The following RIC1 variants were observed in gnomAD, a reference collection of about 807,000 sequenced individuals.
RIC1 encodes guanine nucleotide exchange factor subunit RIC1.
Under a neutral mutation model 169.0 loss-of-function variants are expected in RIC1, and 88 were observed. The observed-to-expected ratio is 0.52, with a 90% confidence interval of 0.44 to 0.62. The LOEUF is 0.62. Ranked by LOEUF, RIC1 falls within the 20% of genes least tolerant of loss-of-function variation. The probability of loss-of-function intolerance (pLI) is 0.00; values close to 1 mark genes in which losing one functional copy is unlikely to be tolerated. For synonymous variants in RIC1, 790 were observed against 601.5 expected (o/e 1.31, Z -4.59); for missense variants, 1,877 against 1,725.5 (o/e 1.09, Z -1.56).
chr9:5,717,753 G>A (rs983771388), intron 4 of RIC1, among the ~76,000 whole-genome samples: 1 of 151,716 alleles, frequency 6.6e-6, no homozygotes, highest in Non-Finnish European at 1.5e-5. Flanking sequence ...GCTGAGGCAG[G>A]AGAATCCCGG....
intron 2 of RIC1, among the ~76,000 whole-genome samples, chr9:5,676,203 C>A (rs1248531768): frequency 6.6e-6 from 1 of 152,176 alleles, no homozygotes; most frequent in Non-Finnish European, 1.5e-5. Flanking sequence ...AGATGTGAGC[C>A]ACTGCACCTG....
At chr9:5,766,000 T>G (rs1329808824) in intron 21 of RIC1, among the ~76,000 whole-genome samples, 1 of 152,218 alleles carries the variant, frequency 6.6e-6, no homozygotes, top group African/African-American at 2.4e-5. Context: ...CTGAATAGTT[T>G]CTGCCCCTTT....
chr9:5,751,714 A>C (rs1190700706), intron 12 of RIC1, among the ~76,000 whole-genome samples: 2 of 152,244 alleles, frequency 1.3e-5, no homozygotes, highest in African/African-American at 2.4e-5. Context: ...AGTTGACTTA[A>C]GTCAACTTAA....
chr9:5,682,821 C>G (rs1327683387), intron 2 of RIC1, among the ~76,000 whole-genome samples: 1 of 152,200 alleles, frequency 6.6e-6, no homozygotes, highest in Admixed American at 6.5e-5. Flanking sequence ...TAGATTTTGT[C>G]TTTTCACATA....
At chr9:5,747,628 T>C (rs1054848469) in intron 12 of RIC1, 123 bp downstream of exon 12, 42 of 842,088 alleles carry the variant, frequency 5.0e-5, no homozygotes, top group Non-Finnish European at 6.8e-5. Flanking sequence ...CATTTTGTCA[T>C]GTCCCTCTTC....
At position 5,685,314 on chromosome 9, in the gene RIC1, G is replaced by A. The variant is rs12351994; in HGVS notation, c.253-4645G>A. Among the ~76,000 whole-genome samples, 719 of 151,160 alleles carry A rather than the reference G, an allele frequency of 4.8e-3. 6 individuals are homozygous for A. Among genetic ancestry groups the A allele is most frequent in the African/African-American group, 0.017 (684 of 41,110 alleles). On this transcript the variant is annotated intron_variant, in intron 2 of 25. Transcript: ENST00000414202. ...ATGGAACCAAAAAAGAGCCCGCATC[G>A]CCAAGTCAATCCTAAGCCAAAAGAA...
At chr9:5,689,316 A>C (rs533015437) in intron 2 of RIC1, among the ~76,000 whole-genome samples, 1 of 151,788 alleles carries the variant, frequency 6.6e-6, no homozygotes, top group African/African-American at 2.4e-5. Context: ...CTCCCAAAAT[A>C]CTGGGATTAC....
At chr9:5,704,386 T>C (rs35337508) in intron 3 of RIC1, among the ~76,000 whole-genome samples, 3,101 of 152,070 alleles carry the variant, frequency 0.02, 37 homozygotes, top group Non-Finnish European at 0.025. Context: ...AATTTTTTGA[T>C]TTTTTTGTGA....
intron 2 of RIC1, among the ~76,000 whole-genome samples, chr9:5,680,972 G>A (rs1481675022): frequency 3.3e-5 from 5 of 149,808 alleles, no homozygotes; most frequent in Non-Finnish European, 5.9e-5. Flanking sequence ...GACTACAGGC[G>A]CCCGCTACCA....
intron 1 of RIC1, among the ~76,000 whole-genome samples, chr9:5,631,739 T>C (rs1817725719): frequency 6.6e-6 from 1 of 151,148 alleles, no homozygotes; most frequent in South Asian, 2.1e-4. Context: ...ATAAGGTGTA[T>C]GATTACATGC....
chr9:5,741,167 A>G (rs1220297283), intron 8 of RIC1, among the ~76,000 whole-genome samples: 1 of 152,152 alleles, frequency 6.6e-6, no homozygotes, highest in African/African-American at 2.4e-5. Context: ...TTCCAGTGCC[A>G]TTGGATTTCC....
rs748470927 is a variant in RIC1 at position 5,745,971 on chromosome 9, G to A, written c.1136G>A (p.Gly379Glu). The A allele has an allele frequency of 1.2e-6, 2 of 1,613,672 alleles. No homozygotes were observed. The highest frequency in any genetic ancestry group is 1.7e-5 in the Admixed American group (1 of 59,990). ...GGCTATCACCTATGGGTAATCAGCG[G>A]ATTTGGTTCTCAAAACACTGAAATT... ...AEGYHLWVISGFGSQNTEIES... is the reference protein window; with the variant it reads ...AEGYHLWVISEFGSQNTEIES... Residue 379 changes from glycine (G) to glutamate (E), a missense_variant, in exon 11 of 26, where the codon GGA becomes GAA. Physicochemically the swap from Gly to Glu is moderately conservative, Grantham distance 98. Transcript: ENST00000414202.
chr9:5,652,889 T>G (rs1466148314), intron 1 of RIC1, among the ~76,000 whole-genome samples: 1 of 152,220 alleles, frequency 6.6e-6, no homozygotes, highest in Non-Finnish European at 1.5e-5. Context: ...TATTCTTAAT[T>G]TGTTAAGAGT....
intron 1 of RIC1, among the ~76,000 whole-genome samples, chr9:5,636,681 G>A (rs993375888): frequency 3.3e-5 from 5 of 152,000 alleles, no homozygotes; most frequent in African/African-American, 9.7e-5. Context: ...ACTTATTCTT[G>A]TATATTGATT....
intron 1 of RIC1, among the ~76,000 whole-genome samples, chr9:5,630,711 A>G (rs186420620): frequency 3.3e-5 from 5 of 152,328 alleles, no homozygotes; most frequent in East Asian, 3.9e-4. Flanking sequence ...CAATATGACT[A>G]TTTTGTCTAG....
At chr9:5,681,003 T>G (rs1820796328) in intron 2 of RIC1, among the ~76,000 whole-genome samples, 1 of 150,854 alleles carries the variant, frequency 6.6e-6, no homozygotes, top group Non-Finnish European at 1.5e-5. Context: ...ATTTTTTGTA[T>G]TTTTAGTAGA....
At position 5,772,684 on chromosome 9, in the gene RIC1, A is replaced by C; in HGVS notation, c.3737A>C (p.Glu1246Ala). The change falls in exon 24 of 26, where the codon GAG becomes GCG. Residue 1246 changes from glutamate (E) to alanine (A), a missense_variant. Around this residue, in one of 3 missense-constraint regions of RIC1, gnomAD observed 681 missense variants for 582.0 expected, o/e 1.17. Coordinates refer to ENST00000414202, the MANE Select transcript of RIC1 (RefSeq NM_020829.4). ...STLSLTQSELEHISMELASKG... is the reference protein window; with the variant it reads ...STLSLTQSELAHISMELASKG... ...CTCAGTTTAACTCAGTCAGAGCTGGAGCACATTTCCATGGAGTTGGCCAGT... is the reference window on the plus strand; with the variant it reads ...CTCAGTTTAACTCAGTCAGAGCTGGCGCACATTTCCATGGAGTTGGCCAGT... 6.2e-7 allele frequency: 1 copy of C among 1,613,772 alleles called. No homozygotes were observed. Among genetic ancestry groups the C allele is most frequent in the East Asian group, 2.2e-5 (1 of 44,844 alleles).
chr9:5,721,186 G>T (rs372549925), intron 6 of RIC1, among the ~76,000 whole-genome samples: 37 of 152,070 alleles, frequency 2.4e-4, no homozygotes, highest in African/African-American at 8.7e-4. Context: ...TTTTGATTAG[G>T]TTACTATTAA....
chr9:5,680,830 T>TTTTTTG (rs1292636900), intron 2 of RIC1, among the ~76,000 whole-genome samples: 2 of 129,084 alleles, frequency 1.5e-5, no homozygotes, highest in African/African-American at 5.8e-5. Flanking sequence ...TTTTTTTTTT[T>TTTTTTG]TTTTTTTTTT....
Sources: allele counts gnomAD v4.1 joint callset (sites outside exome capture counted in the v4.1 genomes callset), GRCh38; gene constraint gnomAD v4.1.1; regional missense constraint gnomAD v4.1.1; transcripts MANE v1.5; gene names NCBI Gene and HGNC (gene_info 2026-07-23, HGNC 2026-07-21).